Variants in GRM7 observed in about 807,000 individuals in gnomAD.
GRM7 encodes glutamate metabotropic receptor 7.
Under a neutral mutation model 84.5 loss-of-function variants are expected in GRM7, and 35 were observed. That is an observed-to-expected ratio of 0.41 (90% confidence interval 0.32 to 0.55). GRM7 has a LOEUF of 0.55. Ranked by LOEUF, GRM7 falls within the 20% of genes least tolerant of loss-of-function variation. The pLI is 0.19. For synonymous variants in GRM7, 487 were observed against 455.1 expected, an observed-to-expected ratio of 1.07 and a Z score of -0.89; for missense variants, 1,003 against 1,194.6, an observed-to-expected ratio of 0.84 and a Z score of 2.36.
intron 1 of GRM7, among the ~76,000 whole-genome samples, chr3:6,889,880 T>A (rs1292396704): frequency 1.3e-5 from 2 of 152,210 alleles, no homozygotes; most frequent in Non-Finnish European, 2.9e-5. Flanking sequence ...TTTTGGTTGG[T>A]AAGCTATTAA....
chr3:6,896,900 G>C (rs1362802866), intron 1 of GRM7, among the ~76,000 whole-genome samples: 1 of 152,092 alleles, frequency 6.6e-6, no homozygotes, highest in Non-Finnish European at 1.5e-5. Flanking sequence ...TCCAACAATT[G>C]TGTGTGCATG....
chr3:7,253,102 G>A (rs1050418199), intron 2 of GRM7, among the ~76,000 whole-genome samples: 18 of 148,464 alleles, frequency 1.2e-4, no homozygotes, highest in African/African-American at 4.2e-4. Context: ...TTGAGGGGTA[G>A]ATGGCTGTAT....
At chr3:7,275,934 G>T (rs1190821050) in intron 2 of GRM7, among the ~76,000 whole-genome samples, 2 of 151,902 alleles carry the variant, frequency 1.3e-5, no homozygotes, top group Non-Finnish European at 2.9e-5. Context: ...TACACTTCAG[G>T]TTTTCCTATC....
intron 1 of GRM7, among the ~76,000 whole-genome samples, chr3:6,868,511 C>T (rs140674135): frequency 9.8e-4 from 149 of 152,226 alleles, no homozygotes; most frequent in African/African-American, 3.4e-3. Context: ...CAAGTAGCCC[C>T]GTATGCAGGA....
intron 7 of GRM7, among the ~76,000 whole-genome samples, chr3:7,545,694 G>A (rs1693115302): frequency 6.6e-6 from 1 of 152,124 alleles, no homozygotes. Context: ...GATGACTTGG[G>A]GCAAGGAGGG....
chr3:7,006,200 C>T (rs1432506794), intron 1 of GRM7, among the ~76,000 whole-genome samples: 1 of 152,144 alleles, frequency 6.6e-6, no homozygotes, highest in Non-Finnish European at 1.5e-5. Context: ...GACCGCTGGT[C>T]TACTTTATAT....
chr3:7,363,762 C>A (rs1039508507), intron 4 of GRM7, among the ~76,000 whole-genome samples: 1 of 152,104 alleles, frequency 6.6e-6, no homozygotes, highest in Non-Finnish European at 1.5e-5. Flanking sequence ...CGGCAGTTAA[C>A]AAGAGCTCCT....
intron 1 of GRM7, among the ~76,000 whole-genome samples, chr3:6,882,765 A>G (rs1326949835): frequency 6.6e-6 from 1 of 152,176 alleles, no homozygotes; most frequent in Non-Finnish European, 1.5e-5. Flanking sequence ...ATGTCATTTA[A>G]TAAGGCTATA....
At chr3:6,988,051 C>T (rs1164513290) in intron 1 of GRM7, among the ~76,000 whole-genome samples, 2 of 144,572 alleles carry the variant, frequency 1.4e-5, no homozygotes, top group East Asian at 4.1e-4. Context: ...GGCTGGAGTG[C>T]AGTGGCGCGA....
At chr3:7,670,682 T>TA (rs1559477625) in intron 8 of GRM7, among the ~76,000 whole-genome samples, 3 of 144 alleles carry the variant, frequency 0.021, no homozygotes, top group African/African-American at 0.024. Context: ...TACTATACAA[T>TA]GGATATTTCA....
intron 1 of GRM7, among the ~76,000 whole-genome samples, chr3:6,905,926 A>G (rs1696558211): frequency 6.6e-6 from 1 of 152,202 alleles, no homozygotes; most frequent in Admixed American, 6.5e-5. Flanking sequence ...TCTGATATTG[A>G]ACTGAACTTG....
intron 9 of GRM7, among the ~76,000 whole-genome samples, chr3:7,702,451 G>A (rs553752839): frequency 6.6e-6 from 1 of 152,234 alleles, no homozygotes; most frequent in East Asian, 1.9e-4. Flanking sequence ...TAACCCCTAT[G>A]GCAGATATGA....
At chr3:7,428,897 G>C (rs1040387673) in intron 5 of GRM7, among the ~76,000 whole-genome samples, 1 of 152,006 alleles carries the variant, frequency 6.6e-6, no homozygotes, top group South Asian at 2.1e-4. Flanking sequence ...GTATCCTATC[G>C]TTTGCAGAAA....
intron 7 of GRM7, among the ~76,000 whole-genome samples, chr3:7,516,476 CA>C (rs34508559): frequency 0.17 from 6,945 of 41,864 alleles, 420 homozygotes; most frequent in Non-Finnish European, 0.25. Context: ...GACTCCCTCT[CA>C]AAAAAAAAAA....
chr3:7,070,956 A>T (rs1032841977), intron 1 of GRM7, among the ~76,000 whole-genome samples: 2 of 152,102 alleles, frequency 1.3e-5, no homozygotes, highest in Non-Finnish European at 2.9e-5. Flanking sequence ...GCTTTTTAAA[A>T]TTGTTATCTA....
At position 7,359,421 on chromosome 3, in the gene GRM7, G is replaced by A. The variant is rs192333449; in HGVS notation, c.1033+52769G>A. ...ACAATTTCGGCTCACTGCAACCTCCGTCTTCTGGGTTCAAGCGATTCTCCT... is the reference window on the plus strand; with the variant it reads ...ACAATTTCGGCTCACTGCAACCTCCATCTTCTGGGTTCAAGCGATTCTCCT... On this transcript the variant is annotated intron_variant, in intron 4 of 9. Transcript: ENST00000357716. Among the ~76,000 whole-genome samples, 1,075 of 135,760 alleles carry A rather than the reference G, an allele frequency of 7.9e-3. 74 individuals carry two copies. Among genetic ancestry groups the A allele is most frequent in the Non-Finnish European group, 0.012 (750 of 65,208 alleles). The allele number at this position is 135,760 out of a possible 152,430, so 89.1% of individuals were successfully genotyped here.
At chr3:7,259,653 G>T (rs894047831) in intron 2 of GRM7, among the ~76,000 whole-genome samples, 1 of 152,184 alleles carries the variant, frequency 6.6e-6, no homozygotes, top group Non-Finnish European at 1.5e-5. Flanking sequence ...ATTAGATGGT[G>T]TATATGTACA....
chr3:7,045,026 T>A (rs768467984), intron 1 of GRM7, among the ~76,000 whole-genome samples: 5 of 152,210 alleles, frequency 3.3e-5, no homozygotes, highest in Non-Finnish European at 5.9e-5. Context: ...CTGTTTCTAT[T>A]TCTGTTTCTT....
chr3:7,613,860 T>C (rs992883068), intron 8 of GRM7, among the ~76,000 whole-genome samples: 1 of 152,224 alleles, frequency 6.6e-6, no homozygotes, highest in Non-Finnish European at 1.5e-5. Context: ...AAAACATTTT[T>C]AGTAGAAGTT....
Sources: gnomAD v4.1 joint callset for allele counts (sites outside exome capture counted in the v4.1 genomes callset) on GRCh38, gnomAD v4.1.1 for gene constraint, MANE v1.5 for transcripts, NCBI Gene and HGNC (gene_info 2026-07-23, HGNC 2026-07-21) for gene names.